PRDM5: variants seen among roughly 807,000 people sequenced by gnomAD.
PRDM5 encodes the protein PR/SET domain 5.
Under a neutral mutation model 81.2 loss-of-function variants are expected in PRDM5, and 56 were observed. That is an observed-to-expected ratio of 0.69 (90% CI 0.56 to 0.86). The LOEUF is 0.86. Ranked by LOEUF, PRDM5 falls within the 40% of genes least tolerant of loss-of-function variation. PRDM5 has a pLI of 0.00. For missense variants in PRDM5, 697 were observed against 770.1 expected (o/e 0.91, Z 1.12); for synonymous variants, 267 against 256.4 (o/e 1.04, Z -0.39).
intron 14 of PRDM5, among the ~76,000 whole-genome samples, chr4:120,735,265 A>G (rs114905170): frequency 6.6e-6 from 1 of 152,224 alleles, no homozygotes; most frequent in Non-Finnish European, 1.5e-5. Context: ...ACTACAGGGA[A>G]CTGATTTTAT....
chr4:120,742,393 C>T (rs1472810992), intron 14 of PRDM5, among the ~76,000 whole-genome samples: 4 of 152,236 alleles, frequency 2.6e-5, no homozygotes, highest in Non-Finnish European at 4.4e-5. Context: ...CAAAGGAATG[C>T]AGCTCCTCAC....
chr4:120,774,651 C>A (rs1747785783), intron 13 of PRDM5, among the ~76,000 whole-genome samples: 1 of 152,168 alleles, frequency 6.6e-6, no homozygotes, highest in South Asian at 2.1e-4. Context: ...CAGCCACCAA[C>A]CACTTCCAAC....
chr4:120,908,830 G>A (rs868689896), intron 1 of PRDM5, among the ~76,000 whole-genome samples: 1 of 152,204 alleles, frequency 6.6e-6, no homozygotes, highest in Non-Finnish European at 1.5e-5. Context: ...TTTCAGAGAA[G>A]CTAGAAGCCT....
At chr4:120,697,659 C>G (rs1734684177) in intron 15 of PRDM5, among the ~76,000 whole-genome samples, 1 of 143,578 alleles carries the variant, frequency 7.0e-6, no homozygotes, top group African/African-American at 2.6e-5. Flanking sequence ...TGCCACCATG[C>G]CCAGCTAACT....
At chr4:120,893,061 A>T (rs1405275794) in intron 2 of PRDM5, among the ~76,000 whole-genome samples, 11 of 152,162 alleles carry the variant, frequency 7.2e-5, no homozygotes, top group Admixed American at 6.6e-4. Context: ...CCAGGACCCG[A>T]GGTTTATTAA....
chr4:120,740,642 T>C (rs1242674998), intron 14 of PRDM5, among the ~76,000 whole-genome samples: 1 of 152,184 alleles, frequency 6.6e-6, no homozygotes. Flanking sequence ...CTCATATATG[T>C]GCCTGACTCT....
chr4:120,893,300 C>CT (rs1168578794), intron 2 of PRDM5, among the ~76,000 whole-genome samples: 2 of 152,210 alleles, frequency 1.3e-5, no homozygotes, highest in African/African-American at 2.4e-5. Flanking sequence ...TGGTGTCCAG[C>CT]TTTATTCCTC....
chr4:120,835,907 C>T (rs988886251), intron 3 of PRDM5, among the ~76,000 whole-genome samples: 10 of 152,078 alleles, frequency 6.6e-5, no homozygotes, highest in African/African-American at 2.4e-4. Context: ...TCCACAACAC[C>T]TAATGTTGCC....
chr4:120,872,826 G>T (rs1436800388), intron 2 of PRDM5, among the ~76,000 whole-genome samples: 1 of 152,030 alleles, frequency 6.6e-6, no homozygotes, highest in African/African-American at 2.4e-5. Flanking sequence ...AGGGGCAGGG[G>T]GTAGTGGGGA....
At chr4:120,853,590 C>T (rs751876890) in intron 2 of PRDM5, 50 bp from the exon 3 acceptor site, 2 of 1,611,336 alleles carry the variant, frequency 1.2e-6, no homozygotes, top group South Asian at 1.1e-5. Flanking sequence ...GAATATTAGC[C>T]TTTAAACACA....
chr4:120,818,252 G>A (rs1275992630), intron 5 of PRDM5, 101 bp downstream of exon 5: 329 of 1,256,964 alleles, frequency 2.6e-4, no homozygotes, highest in Middle Eastern at 2.5e-4. Context: ...GCGCGTGCGC[G>A]CGTGCACACA....
chr4:120,751,744 A>C (rs1038302544), intron 14 of PRDM5, among the ~76,000 whole-genome samples: 1 of 152,214 alleles, frequency 6.6e-6, no homozygotes, highest in Non-Finnish European at 1.5e-5. Flanking sequence ...TGGGGCTCTT[A>C]CTGCACCCTA....
In PRDM5 at chr4:120,798,364, C is replaced by T. The variant is rs1290624544; in HGVS notation, c.1091G>A (p.Gly364Asp). The change falls in exon 10 of 16, where the codon GGT becomes GAT. Residue 364 changes from glycine to aspartate, a missense_variant. Around this residue, in one of 3 missense-constraint regions of PRDM5, gnomAD observed 577 missense variants for 606.7 expected, o/e 0.95. Coordinates refer to ENST00000264808, the MANE Select transcript of PRDM5 (RefSeq NM_018699.4). ...TTCGCTGTGTATTACTTTGTGAGCA[C>T]CCACTTGATCAAGCCTCTTGAAAGA... ...NKSFKRLDQV[G>D]AHKVIHSEDK... 2.5e-6 allele frequency: 4 copies of T among 1,613,108 alleles called. No homozygotes were observed. Among genetic ancestry groups the T allele is most frequent in the Non-Finnish European group, 3.4e-6 (4 of 1,179,406 alleles).
chr4:120,699,702 T>A (rs1735074870), intron 15 of PRDM5, among the ~76,000 whole-genome samples: 1 of 152,086 alleles, frequency 6.6e-6, no homozygotes, highest in East Asian at 1.9e-4. Flanking sequence ...TAGGAATACA[T>A]CTAACCAAGG....
intron 14 of PRDM5, among the ~76,000 whole-genome samples, chr4:120,741,572 A>C (rs939714752): frequency 4.6e-5 from 7 of 151,860 alleles, no homozygotes; most frequent in Non-Finnish European, 8.8e-5. Context: ...GGGTGCGCGC[A>C]CTGTGCACGA....
intron 4 of PRDM5, among the ~76,000 whole-genome samples, chr4:120,819,393 T>G (rs1754968808): frequency 6.6e-6 from 1 of 152,170 alleles, no homozygotes; most frequent in Non-Finnish European, 1.5e-5. Flanking sequence ...ATTTTGTTTC[T>G]TTGCTTTTCT....
intron 1 of PRDM5, among the ~76,000 whole-genome samples, chr4:120,918,146 C>CA (rs1381191016): frequency 2.0e-5 from 3 of 151,988 alleles, no homozygotes; most frequent in Non-Finnish European, 2.9e-5. Flanking sequence ...GCCATTATCA[C>CA]AAAAAATATA....
chr4:120,863,755 T>C (rs1297568928), intron 2 of PRDM5, among the ~76,000 whole-genome samples: 1 of 152,226 alleles, frequency 6.6e-6, no homozygotes, highest in South Asian at 2.1e-4. Context: ...CCTTATAAAT[T>C]GGCTTCAGAA....
intron 3 of PRDM5, among the ~76,000 whole-genome samples, chr4:120,825,571 C>T (rs1345711633): frequency 1.3e-5 from 2 of 152,162 alleles, no homozygotes; most frequent in Non-Finnish European, 2.9e-5. Context: ...TTCCCACTGC[C>T]TCCACTACTC....
Sources: allele counts gnomAD v4.1 joint callset (sites outside exome capture counted in the v4.1 genomes callset), GRCh38; gene constraint gnomAD v4.1.1; regional missense constraint gnomAD v4.1.1; transcripts MANE v1.5; gene names NCBI Gene and HGNC (gene_info 2026-07-23, HGNC 2026-07-21).